The following COLEC12 variants were observed in gnomAD, a reference collection of about 807,000 sequenced individuals.
COLEC12 encodes collectin subfamily member 12, also known as collectin-12.
In COLEC12, 33 loss-of-function variants were observed where a neutral mutation model predicts 71.1. That is an observed-to-expected ratio of 0.46 (90% CI 0.35 to 0.62). The LOEUF is 0.62. COLEC12 is among the 20% of genes least tolerant of loss of function. COLEC12 has a pLI of 0.00. For missense variants in COLEC12, 765 were observed against 916.1 expected, an observed-to-expected ratio of 0.84 and a Z score of 2.13; for synonymous variants, 350 against 353.0, an observed-to-expected ratio of 0.99 and a Z score of 0.10.
rs563504592 is a variant in COLEC12 at position 432,366 on chromosome 18, C to T, written c.58+48341G>A. ...GGAAACAGAGCATGGTGGACACTCCCGCTAGAAAAGGAACCGATGTCTAGG... is the reference window on the plus strand; with the variant it reads ...GGAAACAGAGCATGGTGGACACTCCTGCTAGAAAAGGAACCGATGTCTAGG... On this transcript the variant is annotated intron_variant, in intron 2 of 9. Transcript: ENST00000400256. 6.3e-4 allele frequency among the ~76,000 whole-genome samples: 96 copies of T among 152,230 alleles called. No homozygotes were observed. In the South Asian group the frequency reaches 0.018, roughly 28 times the overall value.
rs1005668965 is a variant in COLEC12 at position 319,796 on chromosome 18, C to A, written c.*249G>T. ...ATTTGTATAATCGCACGGTTACTGA[C>A]GGAGGAGAATCTATGTGATTCAGTC... is the stretch of plus-strand genomic sequence containing the variant. On this transcript the variant is annotated 3_prime_UTR_variant, in exon 10 of 10. Coordinates refer to ENST00000400256, the MANE Select transcript of COLEC12 (RefSeq NM_130386.3). 3.9e-6 allele frequency: 2 copies of A among 518,962 alleles called. No homozygotes were observed. Among genetic ancestry groups the A allele is most frequent in the African/African-American group, 2.0e-5 (1 of 49,610 alleles). The allele number at this position is 518,962 out of a possible 1,614,324, so 32.1% of individuals were successfully genotyped here.
At chr18:497,213 T>TC (rs1260134251) in intron 1 of COLEC12, among the ~76,000 whole-genome samples, 3 of 152,130 alleles carry the variant, frequency 2.0e-5, no homozygotes, top group Non-Finnish European at 4.4e-5. Context: ...AGGATTACAC[T>TC]CCAAGAGCCT....
At chr18:348,933 G>C (rs1409131395) in intron 3 of COLEC12, among the ~76,000 whole-genome samples, 1 of 152,212 alleles carries the variant, frequency 6.6e-6, no homozygotes, top group Non-Finnish European at 1.5e-5. Flanking sequence ...CATGTGTTGT[G>C]GGAGGGACTT....
At chr18:355,854 C>T (rs1344297435) in intron 3 of COLEC12, among the ~76,000 whole-genome samples, 1 of 152,172 alleles carries the variant, frequency 6.6e-6, no homozygotes. Flanking sequence ...CACCTCTGCC[C>T]AGCGCTAATC....
At chr18:367,752 C>T (rs183987810) in intron 2 of COLEC12, among the ~76,000 whole-genome samples, 22 of 152,288 alleles carry the variant, frequency 1.4e-4, no homozygotes, top group South Asian at 4.2e-4. Flanking sequence ...TGGCCCCAGA[C>T]GGAATGACGA....
intron 3 of COLEC12, among the ~76,000 whole-genome samples, chr18:351,559 T>A (rs1454397535): frequency 6.6e-6 from 1 of 152,132 alleles, no homozygotes; most frequent in African/African-American, 2.4e-5. Context: ...ATATTTATTA[T>A]GTCATTTATT....
intron 2 of COLEC12, among the ~76,000 whole-genome samples, chr18:373,030 C>T (rs955730305): frequency 4.6e-5 from 7 of 152,162 alleles, no homozygotes; most frequent in African/African-American, 1.7e-4. Context: ...ACTACAGCTG[C>T]CTGTGACCAG....
At chr18:477,659 T>C (rs1917331865) in intron 2 of COLEC12, among the ~76,000 whole-genome samples, 1 of 152,202 alleles carries the variant, frequency 6.6e-6, no homozygotes, top group Non-Finnish European at 1.5e-5. Flanking sequence ...TACAGTCCTG[T>C]GTTTTTATAG....
intron 2 of COLEC12, among the ~76,000 whole-genome samples, chr18:413,017 A>AT (rs998495755): frequency 2.0e-4 from 30 of 152,250 alleles, no homozygotes; most frequent in African/African-American, 7.0e-4. Context: ...AGCATAGTTG[A>AT]TTAAAAACAT....
intron 2 of COLEC12, among the ~76,000 whole-genome samples, chr18:383,944 T>A (rs1418085160): frequency 6.6e-6 from 1 of 150,894 alleles, no homozygotes; most frequent in East Asian, 1.9e-4. Context: ...CAAAAAGGGG[T>A]TTCCCCTTAT....
At chr18:409,685 T>C (rs1222628901) in intron 2 of COLEC12, among the ~76,000 whole-genome samples, 2 of 152,218 alleles carry the variant, frequency 1.3e-5, no homozygotes, top group Non-Finnish European at 1.5e-5. Context: ...TACTAGAACA[T>C]GTTAACATTG....
chr18:451,111 C>A (rs1311019603), intron 2 of COLEC12, among the ~76,000 whole-genome samples: 1 of 152,230 alleles, frequency 6.6e-6, no homozygotes, highest in East Asian at 1.9e-4. Flanking sequence ...AACATACACA[C>A]CTCCATACAC....
At chr18:368,169 A>G (rs1914896300) in intron 2 of COLEC12, among the ~76,000 whole-genome samples, 1 of 152,238 alleles carries the variant, frequency 6.6e-6, no homozygotes, top group Non-Finnish European at 1.5e-5. Flanking sequence ...TTAAATTTAG[A>G]AAATTGTTTA....
chr18:363,987 T>A (rs1196325327), intron 2 of COLEC12, among the ~76,000 whole-genome samples: 1 of 152,220 alleles, frequency 6.6e-6, no homozygotes, highest in African/African-American at 2.4e-5. Flanking sequence ...ACAGCAGCTC[T>A]GTATTCATAA....
At chr18:380,068 C>T (rs927501639) in intron 2 of COLEC12, among the ~76,000 whole-genome samples, 1 of 152,122 alleles carries the variant, frequency 6.6e-6, no homozygotes. Context: ...AGCATTGGTG[C>T]CCAATAGGTC....
intron 2 of COLEC12, among the ~76,000 whole-genome samples, chr18:375,884 C>T (rs1045819953): frequency 2.0e-5 from 3 of 152,120 alleles, no homozygotes; most frequent in East Asian, 1.9e-4. Flanking sequence ...AACACCTGAA[C>T]GGCACAGGGT....
intron 2 of COLEC12, among the ~76,000 whole-genome samples, chr18:437,519 A>G (rs926397911): frequency 2.0e-5 from 3 of 151,936 alleles, no homozygotes; most frequent in Non-Finnish European, 4.4e-5. Context: ...CTGGTGGGGT[A>G]TGTGCAGACA....
At chr18:477,564 G>A (rs1293387996) in intron 2 of COLEC12, among the ~76,000 whole-genome samples, 1 of 152,152 alleles carries the variant, frequency 6.6e-6, no homozygotes, top group Non-Finnish European at 1.5e-5. Flanking sequence ...TAAGTTTTCA[G>A]GTCTGTCACA....
rs1031477808 is a variant in COLEC12 at position 390,761 on chromosome 18, G to GA, written c.59-33240dup. Among the ~76,000 whole-genome samples the GA allele has an allele frequency of 1.2e-4, 18 of 150,440 alleles. No homozygotes were observed. The East Asian group carries it at 2.2e-3, about 18-fold the overall frequency. ...GGCCACAAAGTGAGACTCCGTCTCC[G>GA]AAAAAAAAAGAAGAAAAATGATAGC... On this transcript the variant is annotated intron_variant, in intron 2 of 9. Coordinates refer to ENST00000400256, the MANE Select transcript of COLEC12 (RefSeq NM_130386.3).
Sources: gnomAD v4.1 joint callset for allele counts (sites outside exome capture counted in the v4.1 genomes callset) on GRCh38, gnomAD v4.1.1 for gene constraint, MANE v1.5 for transcripts, NCBI Gene and HGNC (gene_info 2026-07-23, HGNC 2026-07-21) for gene names.